Variants in CTNNA3 observed in about 807,000 individuals in gnomAD.
CTNNA3 encodes the protein catenin alpha 3, also known as catenin alpha-3.
In CTNNA3, 76 loss-of-function variants were observed where a neutral mutation model predicts 95.7. The ratio of observed to expected loss-of-function variants is 0.79; its 90% CI spans 0.66 to 0.96. CTNNA3 has a LOEUF of 0.96. Ranked by LOEUF, CTNNA3 falls within the 40% of genes least tolerant of loss-of-function variation. CTNNA3 has a pLI of 0.00. For synonymous variants in CTNNA3, 431 were observed against 374.4 expected (o/e 1.15, Z -1.74); for missense variants, 1,191 against 1,089.8 (o/e 1.09, Z -1.31).
At chr10:66,930,769 T>G (rs1478043539) in intron 7 of CTNNA3, among the ~76,000 whole-genome samples, 1 of 152,144 alleles carries the variant, frequency 6.6e-6, no homozygotes, top group Non-Finnish European at 1.5e-5. Context: ...TTGAAAGCTG[T>G]CACTTTTTAA....
chr10:66,835,998 AC>A (rs1348844214), intron 7 of CTNNA3, among the ~76,000 whole-genome samples: 1 of 152,114 alleles, frequency 6.6e-6, no homozygotes, highest in Non-Finnish European at 1.5e-5. Context: ...GAAAAAAAAA[AC>A]AATTAAATTA....
At chr10:67,011,112 G>A (rs377177376) in intron 7 of CTNNA3, among the ~76,000 whole-genome samples, 16 of 152,036 alleles carry the variant, frequency 1.1e-4, no homozygotes, top group East Asian at 7.7e-4. Flanking sequence ...GACGGATCAC[G>A]AAGTCAAGGG....
At chr10:66,548,566 T>C (rs561498690) in intron 10 of CTNNA3, among the ~76,000 whole-genome samples, 90 of 152,274 alleles carry the variant, frequency 5.9e-4, no homozygotes, top group African/African-American at 2.1e-3. Flanking sequence ...GATTTTTTTG[T>C]CAGATGTCAT....
At chr10:67,484,156 G>A (rs542519026) in intron 5 of CTNNA3, among the ~76,000 whole-genome samples, 1 of 152,222 alleles carries the variant, frequency 6.6e-6, no homozygotes, top group South Asian at 2.1e-4. Flanking sequence ...ACAGAATAGA[G>A]AGCCCAGAAT....
At chr10:66,717,456 G>A (rs1257941249) in intron 9 of CTNNA3, among the ~76,000 whole-genome samples, 1 of 152,124 alleles carries the variant, frequency 6.6e-6, no homozygotes, top group Non-Finnish European at 1.5e-5. Flanking sequence ...ATTCTAGACT[G>A]GAAGTTCCTT....
intron 7 of CTNNA3, among the ~76,000 whole-genome samples, chr10:66,998,310 A>C (rs1851472286): frequency 6.6e-6 from 1 of 152,182 alleles, no homozygotes; most frequent in African/African-American, 2.4e-5. Flanking sequence ...TACTAGTTGC[A>C]GGAATAAAAT....
At chr10:67,231,314 G>A (rs112336732) in intron 5 of CTNNA3, among the ~76,000 whole-genome samples, 2,037 of 152,286 alleles carry the variant, frequency 0.013, 48 homozygotes, top group African/African-American at 0.046. Context: ...CTCCCAGCAC[G>A]CAGCTGGAGA....
chr10:66,672,261 G>A (rs1464207674), intron 9 of CTNNA3, among the ~76,000 whole-genome samples: 1 of 152,060 alleles, frequency 6.6e-6, no homozygotes, highest in Non-Finnish European at 1.5e-5. Flanking sequence ...AAAAAATAGT[G>A]AGTACCTAAC....
At chr10:67,321,718 G>A (rs573934520) in intron 5 of CTNNA3, among the ~76,000 whole-genome samples, 13 of 151,946 alleles carry the variant, frequency 8.6e-5, no homozygotes, top group South Asian at 6.3e-4. Flanking sequence ...TTTAAATCTC[G>A]AGTCCACACC....
In CTNNA3 at chr10:67,025,545, T is replaced by C. The variant is rs528345929; in HGVS notation, c.1047+154772A>G. 9.2e-5 allele frequency among the ~76,000 whole-genome samples: 14 copies of C among 152,298 alleles called. No individual in the cohort carries two copies. The East Asian group carries it at 2.7e-3, about 29-fold the overall frequency. On this transcript the variant is annotated intron_variant, in intron 7 of 17. Transcript: ENST00000433211. Reference sequence around the variant, plus strand: ...TTATTAAAAGGGTGAAAATGTATTTTGCATCTTGTTATTTGCAATGTTACT... The same window carrying C: ...TTATTAAAAGGGTGAAAATGTATTTCGCATCTTGTTATTTGCAATGTTACT...
chr10:66,313,396 C>A (rs1298427212), intron 12 of CTNNA3, among the ~76,000 whole-genome samples: 1 of 152,166 alleles, frequency 6.6e-6, no homozygotes, highest in Non-Finnish European at 1.5e-5. Context: ...TTGCCAATAT[C>A]ATCTTCCTTT....
At chr10:66,980,447 T>C (rs1443915370) in intron 7 of CTNNA3, among the ~76,000 whole-genome samples, 1 of 141,298 alleles carries the variant, frequency 7.1e-6, no homozygotes, top group Non-Finnish European at 1.6e-5. Flanking sequence ...GTCACTGGCC[T>C]TTTCTGTTTC....
chr10:67,492,610 A>G (rs1032067883), intron 5 of CTNNA3, among the ~76,000 whole-genome samples: 1 of 152,350 alleles, frequency 6.6e-6, no homozygotes, highest in East Asian at 1.9e-4. Context: ...GATAACTGCT[A>G]TGAAGAGGCG....
chr10:66,199,163 G>A (rs1020371115), intron 13 of CTNNA3, among the ~76,000 whole-genome samples: 6 of 151,912 alleles, frequency 3.9e-5, no homozygotes, highest in Non-Finnish European at 7.4e-5. Flanking sequence ...TTACCTTCTC[G>A]GAGGAGGCTG....
chr10:66,022,729 C>T (rs2079246917), intron 15 of CTNNA3, among the ~76,000 whole-genome samples: 1 of 152,158 alleles, frequency 6.6e-6, no homozygotes, highest in Non-Finnish European at 1.5e-5. Flanking sequence ...TCCTCCCATA[C>T]TAAACACTTC....
At chr10:66,819,628 A>G (rs1024603909) in intron 7 of CTNNA3, among the ~76,000 whole-genome samples, 8 of 152,190 alleles carry the variant, frequency 5.3e-5, no homozygotes, top group African/African-American at 1.9e-4. Flanking sequence ...AAATATATAA[A>G]GCAATATTAC....
chr10:66,155,006 C>G (rs2084416982), intron 13 of CTNNA3, among the ~76,000 whole-genome samples: 1 of 151,492 alleles, frequency 6.6e-6, no homozygotes, highest in Non-Finnish European at 1.5e-5. Flanking sequence ...CTCAACTTTA[C>G]CATTGTAGCA....
At chr10:66,973,027 G>A (rs1386910696) in intron 7 of CTNNA3, among the ~76,000 whole-genome samples, 2 of 152,100 alleles carry the variant, frequency 1.3e-5, no homozygotes, top group East Asian at 3.9e-4. Flanking sequence ...TTTACATCAT[G>A]TTTACAAAAT....
At position 66,307,991 on chromosome 10, in the gene CTNNA3, C is replaced by A. The variant is rs138518978; in HGVS notation, c.1733-27370G>T. ...CTGGAAGAGAGGTTGACAGGGTTGC[C>A]ATACTGCCACCCTAATTTGCAAGAC... On this transcript the variant is annotated intron_variant, in intron 12 of 17. Transcript: ENST00000433211. 9.7e-4 allele frequency among the ~76,000 whole-genome samples: 148 copies of A among 152,272 alleles called. 1 individual carries two copies. Among genetic ancestry groups the A allele is most frequent in the Non-Finnish European group, 1.7e-3 (113 of 68,036 alleles).
Sources: allele counts gnomAD v4.1 joint callset (sites outside exome capture counted in the v4.1 genomes callset), GRCh38; gene constraint gnomAD v4.1.1; transcripts MANE v1.5; gene names NCBI Gene and HGNC (gene_info 2026-07-23, HGNC 2026-07-21).